POLQ: variants seen among roughly 807,000 people sequenced by gnomAD.
POLQ encodes DNA polymerase theta.
POLQ carries 233 observed loss-of-function variants against 259.2 expected under a neutral mutation model. The ratio of observed to expected loss-of-function variants is 0.90; its 90% confidence interval spans 0.81 to 1.00. POLQ has a LOEUF of 1.00. Among genes scored for constraint, POLQ ranks in the 50% least tolerant of loss-of-function variants. The probability of loss-of-function intolerance (pLI) is 0.00; values close to 1 mark genes in which losing one functional copy is unlikely to be tolerated. For synonymous variants in POLQ, 1,025 were observed against 1,048.8 expected, an observed-to-expected ratio of 0.98 and a Z score of 0.44; for missense variants, 2,871 against 3,051.6, an observed-to-expected ratio of 0.94 and a Z score of 1.39.
intron 7 of POLQ, 31 bp downstream of exon 7, chr3:121,529,614 A>C (rs1353974621): frequency 2.5e-6 from 4 of 1,602,298 alleles, no homozygotes; most frequent in Non-Finnish European, 3.4e-6. Context: ...TGTACTAAGC[A>C]TGAAGGCTTT....
chr3:121,443,197 G>A (rs1173457515), intron 26 of POLQ, among the ~76,000 whole-genome samples: 1 of 152,184 alleles, frequency 6.6e-6, no homozygotes, highest in Non-Finnish European at 1.5e-5. Context: ...CTCCACAGTA[G>A]TTGTACTAAT....
intron 25 of POLQ, among the ~76,000 whole-genome samples, chr3:121,456,673 C>T (rs2047741567): frequency 3.3e-5 from 5 of 151,520 alleles, no homozygotes; most frequent in South Asian, 2.1e-4. Flanking sequence ...ATCCAACTTA[C>T]AAGGGATGTG....
Position 121,496,657 on chromosome 3 carries a change from G to A in POLQ, c.2278+151C>T, listed in dbSNP as rs1341307398. ...TGGTACTGAGCCCTGAGGAGCCATA[G>A]TTTTGAATTTTCTGATGATGACAAG... On this transcript the variant is annotated intron_variant, in intron 14 of 29. Coordinates refer to ENST00000264233, the MANE Select transcript of POLQ (RefSeq NM_199420.4). The A allele has an allele frequency of 4.0e-6, 3 of 747,794 alleles. No individual in the cohort carries two copies. In the African/African-American group the frequency reaches 5.4e-5, roughly 13 times the overall value. 46.3% of individuals were successfully genotyped at this position (747,794 alleles called of 1,614,324 possible).
rs145452732 is a variant in POLQ, at chr3:121,511,615, T to C, written c.1611+272A>G. On this transcript the variant is annotated intron_variant, in intron 10 of 29. Transcript: ENST00000264233. ...CAAAATGGTGAAATCCCATCTCTAT[T>C]AAAAGTACAAAAATTAGCCAGGGAT... 2.4e-3 allele frequency among the ~76,000 whole-genome samples: 362 copies of C among 151,372 alleles called. 2 individuals are homozygous for C. The highest frequency in any genetic ancestry group is 8.2e-3 in the African/African-American group (339 of 41,236).
chr3:121,481,861 C>T (rs1347259258), intron 18 of POLQ, 49 bp from the exon 19 acceptor site: 2 of 1,502,344 alleles, frequency 1.3e-6, no homozygotes, highest in African/African-American at 1.4e-5. Flanking sequence ...TTCAAAGACA[C>T]TTATGTACCT....
intron 4 of POLQ, among the ~76,000 whole-genome samples, chr3:121,537,605 T>C (rs1022879393): frequency 2.0e-5 from 3 of 152,214 alleles, no homozygotes; most frequent in Admixed American, 6.5e-5. Context: ...GCTGCATCCA[T>C]GTGGCTTTGC....
rs1445157292 is a variant in POLQ, at chr3:121,488,665, T to C, written c.4266A>G (p.Leu1422=). Residue 1422 remains leucine, a synonymous_variant, in exon 16 of 30, where the codon CTA becomes CTG. Coordinates refer to ENST00000264233, the MANE Select transcript of POLQ (RefSeq NM_199420.4). ...PESPIFHSPI[L]LEENGLFLKK... Reference sequence around the variant, plus strand: ...TTAAAAAAAGACCATTTTCCTCCAATAGTATTGGAGAATGGAAAATCGGGC... The same window carrying C: ...TTAAAAAAAGACCATTTTCCTCCAACAGTATTGGAGAATGGAAAATCGGGC... 6.3e-7 allele frequency: 1 copy of C among 1,586,020 alleles called. No homozygotes were observed. The highest frequency in any genetic ancestry group is 2.2e-5 in the East Asian group (1 of 44,866).
chr3:121,512,364 C>G (rs1576422301), intron 9 of POLQ, among the ~76,000 whole-genome samples: 1 of 152,248 alleles, frequency 6.6e-6, no homozygotes, highest in South Asian at 2.1e-4. Context: ...CTCTCCCACA[C>G]AGGACAACAA....
chr3:121,493,557 A>C lies in POLQ; in HGVS notation c.2443T>G (p.Phe815Val), dbSNP rs770239323. 3 of 1,614,018 alleles carry C rather than the reference A, an allele frequency of 1.9e-6. No individual in the cohort carries two copies. Among genetic ancestry groups the C allele is most frequent in the East Asian group, 4.5e-5 (2 of 44,884 alleles). ...CTAGCAAGGTCTGCCACAGTATGAA[A>C]GCCAGAAGCATAGAGAACCCTGGCT... ...QRARVLYASGFHTVADLARAN... is the reference protein window; with the variant it reads ...QRARVLYASGVHTVADLARAN... The change falls in exon 15 of 30, where the codon TTT becomes GTT. Residue 815 changes from phenylalanine (F) to valine (V), a missense_variant. This residue lies in a region of POLQ where 2,080 missense variants were observed against 2,126.0 expected (regional missense o/e 0.98). Transcript: ENST00000264233.
intron 7 of POLQ, among the ~76,000 whole-genome samples, chr3:121,528,140 G>A (rs760126498): frequency 6.6e-6 from 1 of 151,934 alleles, no homozygotes; most frequent in Non-Finnish European, 1.5e-5. Flanking sequence ...TTATTTATTC[G>A]AGAGAGGGTC....
intron 14 of POLQ, chr3:121,494,491 C>T: frequency 6.7e-7 from 1 of 1,487,940 alleles, no homozygotes; most frequent in Admixed American, 1.7e-5. Flanking sequence ...GAGGGGACGT[C>T]CCCACCAAGA....
chr3:121,494,281 C>T (rs1038344715), intron 14 of POLQ: 6 of 1,595,514 alleles, frequency 3.8e-6, no homozygotes, highest in Admixed American at 3.3e-5. Flanking sequence ...TGAAACGGCC[C>T]CGCTATATCA....
At chr3:121,491,950 G>T (rs2048071875) in intron 15 of POLQ, among the ~76,000 whole-genome samples, 1 of 152,358 alleles carries the variant, frequency 6.6e-6, no homozygotes, top group East Asian at 1.9e-4. Flanking sequence ...GTACATGCAA[G>T]GAATCTAGGT....
In POLQ at chr3:121,478,721, TG is replaced by T. The variant is rs542280137; in HGVS notation, c.6212-1989del. Among the ~76,000 whole-genome samples, 479 of 152,152 alleles carry T rather than the reference TG, an allele frequency of 3.1e-3. 8 individuals are homozygous for T. Among genetic ancestry groups the T allele is most frequent in the African/African-American group, 0.011 (457 of 41,520 alleles). ...TGAACTAATATTAAGAGAAAGCTGA[TG>T]TTGCCATATTCATATAAGAAAACAG... On this transcript the variant is annotated intron_variant, in intron 19 of 29. Coordinates refer to ENST00000264233, the MANE Select transcript of POLQ (RefSeq NM_199420.4).
At chr3:121,541,896 C>T (rs1560110706) in intron 2 of POLQ, among the ~76,000 whole-genome samples, 2 of 151,592 alleles carry the variant, frequency 1.3e-5, no homozygotes, top group Non-Finnish European at 1.5e-5. Context: ...AGGCCAAGGC[C>T]GGGGGATCAC....
chr3:121,528,665 G>T (rs1282105611), intron 7 of POLQ, among the ~76,000 whole-genome samples: 1 of 151,480 alleles, frequency 6.6e-6, no homozygotes, highest in Non-Finnish European at 1.5e-5. Flanking sequence ...CTTAATAAAA[G>T]ATTTGGGCCG....
Position 121,476,174 on chromosome 3 carries a change from G to T in POLQ, c.6405+366C>A, listed in dbSNP as rs773487156. 3.5e-4 allele frequency among the ~76,000 whole-genome samples: 53 copies of T among 152,192 alleles called. 2 individuals carry two copies. The highest frequency in any genetic ancestry group is 7.1e-4 in the Non-Finnish European group (48 of 68,004). On this transcript the variant is annotated intron_variant, in intron 20 of 29. Coordinates refer to ENST00000264233, the MANE Select transcript of POLQ (RefSeq NM_199420.4). ...GAAAGATGTTAGGGCAAGCAAGGAA[G>T]GGGTAAGGGCTCATGAAATGACCAA...
chr3:121,493,139 T>C (rs2048083376), intron 15 of POLQ, among the ~76,000 whole-genome samples: 1 of 151,850 alleles, frequency 6.6e-6, no homozygotes, highest in Admixed American at 6.6e-5. Context: ...CTGTCTCTAC[T>C]AAAAATACAA....
chr3:121,467,488 T>C (rs768443583), intron 24 of POLQ, 31 bp downstream of exon 24: 3 of 1,608,376 alleles, frequency 1.9e-6, no homozygotes, highest in African/African-American at 2.7e-5. Context: ...CTCACAGCAA[T>C]GAGAAGCTTC....
Sources: allele counts gnomAD v4.1 joint callset (sites outside exome capture counted in the v4.1 genomes callset), GRCh38; gene constraint gnomAD v4.1.1; regional missense constraint gnomAD v4.1.1; transcripts MANE v1.5; gene names NCBI Gene and HGNC (gene_info 2026-07-23, HGNC 2026-07-21).